The following LRRK1 variants were observed in gnomAD, a reference collection of about 807,000 sequenced individuals.
The protein encoded by LRRK1 is leucine rich repeat kinase 1.
In LRRK1, 113 loss-of-function variants were observed where a neutral mutation model predicts 209.1. The ratio of observed to expected loss-of-function variants is 0.54; its 90% CI spans 0.46 to 0.63. LRRK1 has a LOEUF of 0.63. Among genes scored for constraint, LRRK1 ranks in the 30% least tolerant of loss-of-function variants. The pLI is 0.00. For synonymous variants in LRRK1, 1,144 were observed against 1,099.7 expected, an observed-to-expected ratio of 1.04 and a Z score of -0.80; for missense variants, 2,284 against 2,632.2, an observed-to-expected ratio of 0.87 and a Z score of 2.89.
chr15:100,994,072 A>G (rs1225548741), intron 6 of LRRK1, among the ~76,000 whole-genome samples: 1 of 152,180 alleles, frequency 6.6e-6, no homozygotes, highest in East Asian at 1.9e-4. Flanking sequence ...TAACCCTTAC[A>G]TCTATGTAGT....
rs41372244 is a variant in LRRK1, at chr15:101,055,052, G to A, written c.4161G>A (p.Leu1387=). ...LHKKNIIFCD[L]KSDNILVWSL... ...AGAAAAACATCATCTTCTGTGACCT[G>A]AAGTCGGACAACATTCTGGTGTGGT... Residue 1387 remains leucine, a synonymous_variant, in exon 27 of 34, where the codon CTG becomes CTA. Transcript: ENST00000388948. The A allele has an allele frequency of 0.093, 149,432 of 1,613,920 alleles. 10,370 individuals are homozygous for A. Among genetic ancestry groups the A allele is most frequent in the East Asian group, 0.35 (15,841 of 44,840 alleles).
intron 2 of LRRK1, among the ~76,000 whole-genome samples, chr15:100,971,845 G>C (rs2030905701): frequency 6.6e-6 from 1 of 152,052 alleles, no homozygotes; most frequent in Non-Finnish European, 1.5e-5. Flanking sequence ...GCCTCCATGG[G>C]ATCAAATTTT....
intron 2 of LRRK1, among the ~76,000 whole-genome samples, chr15:100,951,717 C>T (rs747492959): frequency 5.6e-4 from 85 of 151,922 alleles, no homozygotes; most frequent in Non-Finnish European, 1.1e-3. Flanking sequence ...TTTGGGAGGC[C>T]GAGACAGGTG....
chr15:101,038,664 TC>T (rs1464842027), intron 20 of LRRK1, among the ~76,000 whole-genome samples: 2 of 152,240 alleles, frequency 1.3e-5, no homozygotes, highest in Non-Finnish European at 2.9e-5. Flanking sequence ...CTTAGGTATT[TC>T]CTGTCACTTT....
In LRRK1 at chr15:101,048,535, A is replaced by C. The variant is rs2035214274; in HGVS notation, c.3177A>C (p.Lys1059Asn). The C allele has an allele frequency of 6.3e-7, 1 of 1,598,616 alleles. No homozygotes were observed. The highest frequency in any genetic ancestry group is 8.5e-7 in the Non-Finnish European group (1 of 1,175,458). Reference protein sequence around the residue: ...NKKNTKSRNRKVTIYSFTGNQ... With the variant: ...NKKNTKSRNRNVTIYSFTGNQ... ...AGAATACTAAAAGCAGGAACAGGAAAGTCACCATTTACAGTTTTACAGGAA... is the reference window on the plus strand; with the variant it reads ...AGAATACTAAAAGCAGGAACAGGAACGTCACCATTTACAGTTTTACAGGAA... Residue 1059 changes from lysine to asparagine, a missense_variant, in exon 22 of 34, where the codon AAA (lysine) becomes AAC (asparagine). Transcript: ENST00000388948.
Position 101,010,803 on chromosome 15 carries a change from T to A in LRRK1, c.1247T>A (p.Leu416Gln), listed in dbSNP as rs1218547521. 1 of 1,613,976 alleles carries A rather than the reference T, an allele frequency of 6.2e-7. No homozygotes were observed. The highest frequency in any genetic ancestry group is 8.5e-7 in the Non-Finnish European group (1 of 1,180,014). Residue 416 changes from leucine (L) to glutamine (Q), a missense_variant, in exon 9 of 34, where the codon CTG becomes CAG. This residue lies in a region of LRRK1 where 494 missense variants were observed against 522.1 expected (regional missense o/e 0.95). Transcript: ENST00000388948. ...LNSLNVSRNN[L>Q]KVFPDPWACP... ...TCTCTGAATGTCTCCAGAAACAACC[T>A]GAAGGTGTTTCCAGATCCCTGGGCC...
Position 100,924,607 on chromosome 15 carries a change from T to C in LRRK1, c.-26T>C, listed in dbSNP as rs2042076081. On this transcript the variant is annotated 5_prime_UTR_variant, in exon 2 of 34. Transcript: ENST00000388948. ...GCAGTGACAACAGCGGGACCTGCCTTTGAAGATCGGCTGCTGCAAGGGTTG... is the reference window on the plus strand; with the variant it reads ...GCAGTGACAACAGCGGGACCTGCCTCTGAAGATCGGCTGCTGCAAGGGTTG... The C allele has an allele frequency of 1.2e-6, 2 of 1,611,204 alleles. No homozygotes were observed. Among genetic ancestry groups the C allele is most frequent in the Admixed American group, 3.3e-5 (2 of 60,000 alleles).
At chr15:101,056,571 CAGATG>C (rs2035813491) in intron 27 of LRRK1, among the ~76,000 whole-genome samples, 2 of 151,760 alleles carry the variant, frequency 1.3e-5, no homozygotes, top group African/African-American at 4.8e-5. Context: ...GATGGATGGA[CAGATG>C]AGAAGAATGG....
chr15:101,021,248 A>G, intron 13 of LRRK1, 66 bp downstream of exon 13: 1 of 1,560,776 alleles, frequency 6.4e-7, no homozygotes, highest in Non-Finnish European at 8.8e-7. Context: ...GCCCATCCCT[A>G]AACCAACTGG....
intron 2 of LRRK1, among the ~76,000 whole-genome samples, chr15:100,935,427 T>C (rs2042283923): frequency 6.6e-6 from 1 of 152,196 alleles, no homozygotes; most frequent in African/African-American, 2.4e-5. Context: ...TAGGTTTGAC[T>C]GACCGCAAGA....
intron 2 of LRRK1, among the ~76,000 whole-genome samples, chr15:100,930,044 A>G (rs948371984): frequency 3.3e-5 from 5 of 152,202 alleles, no homozygotes; most frequent in Non-Finnish European, 5.9e-5. Flanking sequence ...TCTCCTGGTT[A>G]CTTGTCTGGA....
At chr15:101,020,928 T>A (rs1049614974) in intron 12 of LRRK1, 125 bp from the exon 13 acceptor site, 1 of 997,738 alleles carries the variant, frequency 1.0e-6, no homozygotes, top group Admixed American at 1.9e-5. Flanking sequence ...GGTGAGCATT[T>A]TGTTCTGATA....
rs2031723958 is a variant in LRRK1, at chr15:100,983,678, G to A, written c.412G>A (p.Glu138Lys). The change falls in exon 4 of 34, where the codon GAA becomes AAA. Residue 138 changes from glutamate to lysine, a missense_variant. This residue lies in a region of LRRK1 where 134 missense variants were observed against 191.7 expected (regional missense o/e 0.70). Transcript: ENST00000388948. ...TTTTGGACACACGGCAGTTGTGCAG[G>A]AATTGCTTGAGTCCTTACCAGGTAA... is the stretch of plus-strand genomic sequence containing the variant. ...AYFGHTAVVQELLESLPGPCS... is the reference protein window; with the variant it reads ...AYFGHTAVVQKLLESLPGPCS... 6.2e-7 allele frequency: 1 copy of A among 1,609,024 alleles called. No individual in the cohort carries two copies. The highest frequency in any genetic ancestry group is 1.3e-5 in the African/African-American group (1 of 74,732).
At chr15:101,009,410 C>A (rs1307089554) in intron 7 of LRRK1, among the ~76,000 whole-genome samples, 2 of 152,112 alleles carry the variant, frequency 1.3e-5, no homozygotes, top group Non-Finnish European at 2.9e-5. Context: ...ACTCTGCCTT[C>A]CAGGGAAAGT....
Position 101,070,609 on chromosome 15 carries a change from C to T in LRRK1, c.*1761C>T, listed in dbSNP as rs2036766323. The T allele has an allele frequency of 6.6e-6, 1 of 152,112 alleles. No homozygotes were observed. The highest frequency in any genetic ancestry group is 1.5e-5 in the Non-Finnish European group (1 of 68,046). The allele number at this position is 152,112 out of a possible 1,614,324, so 9.4% of individuals were successfully genotyped here. A position where few individuals can be genotyped will look rare whatever the true frequency, so the allele number is the denominator to read the frequency against. On this transcript the variant is annotated 3_prime_UTR_variant, in exon 34 of 34. Coordinates refer to ENST00000388948, the MANE Select transcript of LRRK1 (RefSeq NM_024652.6). ...TCCTACTCCTGGAAAAGCCCAGCCC[C>T]AGGCCTCACAGAGCCAGGGGAGGGG...
chr15:101,022,186 G>A lies in LRRK1; in HGVS notation c.1853-197G>A, dbSNP rs941720805. Among the ~76,000 whole-genome samples the A allele has an allele frequency of 2.6e-5, 4 of 152,168 alleles. No individual in the cohort carries two copies. The highest frequency in any genetic ancestry group is 5.9e-5 in the Non-Finnish European group (4 of 68,036). On this transcript the variant is annotated intron_variant, in intron 14 of 33. Transcript: ENST00000388948. This position sits in a 1 kb window ranked among gnomAD's most constrained non-coding sequence, Gnocchi z 4.0. ...TGACCTCCTGGGCAGCAAGGATTTT[G>A]TCCATAGGTTCTTGCCTCTTAGAGT...
At chr15:101,021,018 T>C in intron 12 of LRRK1, 35 bp from the exon 13 acceptor site, 1 of 1,612,386 alleles carries the variant, frequency 6.2e-7, no homozygotes, top group Non-Finnish European at 8.5e-7. Flanking sequence ...CCAGAATTAT[T>C]TTTAAATGCA....
At chr15:100,998,677 T>C (rs866698546) in intron 6 of LRRK1, among the ~76,000 whole-genome samples, 36 of 151,596 alleles carry the variant, frequency 2.4e-4, no homozygotes, top group African/African-American at 8.5e-4. Flanking sequence ...GGATAGTTGC[T>C]TGGATAGATA....
intron 20 of LRRK1, among the ~76,000 whole-genome samples, chr15:101,041,053 A>G (rs2168375): frequency 0.99 from 150,682 of 152,354 alleles, 74,540 homozygotes; most frequent in East Asian, 1. Flanking sequence ...GACAGGCTTT[A>G]TTTTATATAT....
Sources: gnomAD v4.1 joint callset for allele counts (sites outside exome capture counted in the v4.1 genomes callset) on GRCh38, gnomAD v4.1.1 for gene constraint, gnomAD v4.1.1 regional missense constraint, Gnocchi (gnomAD v3.1) non-coding constraint, MANE v1.5 for transcripts, NCBI Gene and HGNC (gene_info 2026-07-23, HGNC 2026-07-21) for gene names.